CCDC148: variants seen among roughly 807,000 people sequenced by gnomAD.
CCDC148 encodes the protein coiled-coil domain containing 148.
CCDC148 carries 89 observed loss-of-function variants against 85.7 expected under a neutral mutation model. The observed-to-expected ratio is 1.04, with a 90% CI of 0.87 to 1.24. CCDC148 has a LOEUF of 1.24. Ranked by LOEUF, CCDC148 falls within the 50% of genes most tolerant of loss-of-function variation. The pLI is 0.00. For synonymous variants in CCDC148, 230 were observed against 213.9 expected, an observed-to-expected ratio of 1.08 and a Z score of -0.66; for missense variants, 692 against 671.7, an observed-to-expected ratio of 1.03 and a Z score of -0.33.
intron 9 of CCDC148, among the ~76,000 whole-genome samples, chr2:158,259,717 C>T (rs775638156): frequency 5.3e-5 from 8 of 151,898 alleles, no homozygotes; most frequent in Non-Finnish European, 8.8e-5. Flanking sequence ...AAAAGGAAGA[C>T]TCAATCTTTC....
chr2:158,438,840 G>T (rs570308868), intron 1 of CCDC148, among the ~76,000 whole-genome samples: 6 of 152,274 alleles, frequency 3.9e-5, no homozygotes, highest in African/African-American at 1.4e-4. Context: ...CTTCTCAAAA[G>T]AAGACATTTA....
intron 1 of CCDC148, among the ~76,000 whole-genome samples, chr2:158,394,772 C>T (rs576710417): frequency 3.3e-5 from 5 of 152,146 alleles, no homozygotes; most frequent in East Asian, 3.9e-4. Flanking sequence ...ATCACAGATG[C>T]TAACTCACAG....
At chr2:158,179,101 G>GT in intron 11 of CCDC148, 105 bp from the exon 12 acceptor site, 1 of 549,024 alleles carries the variant, frequency 1.8e-6, no homozygotes, top group South Asian at 2.9e-5. Flanking sequence ...TAACAGCACT[G>GT]TCACATTTTT....
chr2:158,309,552 C>G lies in CCDC148; in HGVS notation c.991G>C (p.Asp331His), dbSNP rs751435992. The change falls in exon 9 of 14, where the codon GAC becomes CAC. Residue 331 changes from aspartate (D) to histidine (H), a missense_variant. Transcript: ENST00000283233. Reference protein sequence around the residue: ...LISNWNKNKKDFIQKAVLTLT... With the variant: ...LISNWNKNKKHFIQKAVLTLT... Reference sequence around the variant, plus strand: ...GTCAGCACAGCCTTCTGTATAAAGTCTTTCTTATTTTTATTCCAATTTGAT... The same window carrying G: ...GTCAGCACAGCCTTCTGTATAAAGTGTTTCTTATTTTTATTCCAATTTGAT... The G allele has an allele frequency of 6.2e-7, 1 of 1,613,732 alleles. No individual in the cohort carries two copies. Among genetic ancestry groups the G allele is most frequent in the East Asian group, 2.2e-5 (1 of 44,866 alleles).
At chr2:158,444,867 T>G (rs1002223096) in intron 1 of CCDC148, among the ~76,000 whole-genome samples, 1 of 150,784 alleles carries the variant, frequency 6.6e-6, no homozygotes, top group Non-Finnish European at 1.5e-5. Context: ...GATTAGAAAT[T>G]ATGTTAGTTA....
chr2:158,178,395 A>C (rs1238504843), intron 12 of CCDC148, among the ~76,000 whole-genome samples: 1 of 152,092 alleles, frequency 6.6e-6, no homozygotes, highest in Non-Finnish European at 1.5e-5. Context: ...GCTTACTTTC[A>C]CTAGGCAAAG....
At chr2:158,265,392 T>A (rs1204822091) in intron 9 of CCDC148, among the ~76,000 whole-genome samples, 9 of 152,146 alleles carry the variant, frequency 5.9e-5, no homozygotes, top group Non-Finnish European at 1.0e-4. Context: ...TGTCTCTTCA[T>A]AAGAGTCAGT....
intron 1 of CCDC148, among the ~76,000 whole-genome samples, chr2:158,410,686 G>A (rs996007110): frequency 3.3e-5 from 5 of 151,956 alleles, no homozygotes; most frequent in African/African-American, 1.2e-4. Context: ...ACTTCTTTTT[G>A]TATTGTGTAT....
At chr2:158,360,809 C>G (rs1683909771) in intron 1 of CCDC148, among the ~76,000 whole-genome samples, 1 of 151,964 alleles carries the variant, frequency 6.6e-6, no homozygotes, top group Non-Finnish European at 1.5e-5. Flanking sequence ...GGGAACAAAA[C>G]TGGATGGAAA....
chr2:158,446,041 T>C (rs1037003456), intron 1 of CCDC148, among the ~76,000 whole-genome samples: 1 of 152,188 alleles, frequency 6.6e-6, no homozygotes, highest in Non-Finnish European at 1.5e-5. Context: ...TGTAATCAAC[T>C]ATGATACTCA....
intron 1 of CCDC148, among the ~76,000 whole-genome samples, chr2:158,456,158 G>A (rs1330067712): frequency 1.3e-5 from 2 of 152,186 alleles, no homozygotes; most frequent in African/African-American, 2.4e-5. Flanking sequence ...TTGAGAATCA[G>A]GGAACAGGCT....
At chr2:158,401,184 A>C (rs189073982) in intron 1 of CCDC148, among the ~76,000 whole-genome samples, 19 of 152,330 alleles carry the variant, frequency 1.2e-4, no homozygotes, top group Non-Finnish European at 2.5e-4. Context: ...CATTTGACCC[A>C]GCAATCCCAT....
intron 1 of CCDC148, among the ~76,000 whole-genome samples, chr2:158,411,431 A>G (rs1414064829): frequency 2.0e-5 from 3 of 151,976 alleles, no homozygotes; most frequent in African/African-American, 7.2e-5. Flanking sequence ...ACTTGTATTT[A>G]AGTTCCCTGA....
At chr2:158,216,133 A>G (rs1686841024) in intron 11 of CCDC148, among the ~76,000 whole-genome samples, 1 of 152,128 alleles carries the variant, frequency 6.6e-6, no homozygotes, top group Admixed American at 6.5e-5. Context: ...CTTAAACTTG[A>G]TTTTATATAG....
chr2:158,339,138 T>C, intron 5 of CCDC148, 53 bp from the exon 6 acceptor site: 2 of 1,228,096 alleles, frequency 1.6e-6, no homozygotes, highest in Non-Finnish European at 2.4e-6. Flanking sequence ...TCATTCCATA[T>C]TTATATTTAA....
intron 9 of CCDC148, among the ~76,000 whole-genome samples, chr2:158,273,855 G>A (rs1023670569): frequency 2.6e-5 from 4 of 151,994 alleles, no homozygotes; most frequent in African/African-American, 7.3e-5. Context: ...GCTACACTGT[G>A]CCTCCCCCAC....
At chr2:158,361,867 G>A (rs535502753) in intron 1 of CCDC148, among the ~76,000 whole-genome samples, 1 of 151,992 alleles carries the variant, frequency 6.6e-6, no homozygotes, top group East Asian at 1.9e-4. Flanking sequence ...AAAAGACACA[G>A]ACTGACAAAT....
At chr2:158,433,092 A>AAAAAAAAAAAAAATATATATATATC (rs1559141535) in intron 1 of CCDC148, among the ~76,000 whole-genome samples, 3 of 67,312 alleles carry the variant, frequency 4.5e-5, no homozygotes, top group African/African-American at 1.5e-4. Context: ...AAAAAAAAAA[A>AAAAAAAAAAAAAATATATATATATC]TATATATATA....
chr2:158,375,367 TC>T (rs566749910), intron 1 of CCDC148, among the ~76,000 whole-genome samples: 127 of 152,242 alleles, frequency 8.3e-4, no homozygotes, highest in African/African-American at 3.0e-3. Context: ...CAAAAATGAT[TC>T]AAAACACAGC....
Sources: allele counts gnomAD v4.1 joint callset (sites outside exome capture counted in the v4.1 genomes callset), GRCh38; gene constraint gnomAD v4.1.1; transcripts MANE v1.5; gene names NCBI Gene and HGNC (gene_info 2026-07-23, HGNC 2026-07-21).